The following C2orf76 variants were observed in gnomAD, a reference collection of about 807,000 sequenced individuals.
C2orf76 encodes UPF0538 protein C2orf76.
In C2orf76, 23 loss-of-function variants were observed where a neutral mutation model predicts 16.9. The observed-to-expected ratio is 1.36, with a 90% CI of 0.98 to 1.93. The LOEUF is 1.93. C2orf76 is among the 30% of genes most tolerant of loss of function. C2orf76 has a pLI of 0.00. For missense variants in C2orf76, 152 were observed against 152.6 expected, an observed-to-expected ratio of 1.00 and a Z score of 0.02; for synonymous variants, 48 against 52.3, an observed-to-expected ratio of 0.92 and a Z score of 0.35.
intron 1 of C2orf76, among the ~76,000 whole-genome samples, chr2:119,350,648 G>A (rs1421726311): frequency 6.6e-6 from 1 of 152,208 alleles, no homozygotes; most frequent in Non-Finnish European, 1.5e-5. Flanking sequence ...GGATGGTGAG[G>A]AGGGAAGCAT....
At position 119,358,413 on chromosome 2, in the gene C2orf76, A is replaced by G. The variant is rs918506204; in HGVS notation, c.-13+8377T>C. Among the ~76,000 whole-genome samples, 31 of 152,140 alleles carry G rather than the reference A, an allele frequency of 2.0e-4. No individual in the cohort carries two copies. In the Middle Eastern group the frequency reaches 0.014, roughly 67 times the overall value. ...CCAACATGGAGGAACCCCTGTCCCT[A>G]CTAAAAATACAAAAATTAGCTGGGA... On this transcript the variant is annotated intron_variant, in intron 1 of 5. Transcript: ENST00000334816.
At chr2:119,320,512 G>A (rs543127688) in intron 3 of C2orf76, among the ~76,000 whole-genome samples, 88 of 151,974 alleles carry the variant, frequency 5.8e-4, no homozygotes, top group Middle Eastern at 3.4e-3. Flanking sequence ...GCATACACAC[G>A]GCGAAGATTG....
chr2:119,286,612 C>A, the C2orf76 span, among the ~76,000 whole-genome samples: 1 of 152,112 alleles, frequency 6.6e-6, no homozygotes, highest in Non-Finnish European at 1.5e-5. Flanking sequence ...CCAGAGTGTG[C>A]TCGTGATTCG....
chr2:119,328,575 T>C (rs1448856649), intron 2 of C2orf76, among the ~76,000 whole-genome samples: 1 of 152,158 alleles, frequency 6.6e-6, no homozygotes, highest in Non-Finnish European at 1.5e-5. Flanking sequence ...TGTTATGGAT[T>C]TTCTCTATGG....
At chr2:119,348,869 A>C (rs1680292943) in intron 1 of C2orf76, among the ~76,000 whole-genome samples, 1 of 152,084 alleles carries the variant, frequency 6.6e-6, no homozygotes, top group Non-Finnish European at 1.5e-5. Context: ...TGGTGGCGTA[A>C]GCCTGTAGTT....
At chr2:119,290,700 C>T in the C2orf76 span, among the ~76,000 whole-genome samples, 4 of 151,990 alleles carry the variant, frequency 2.6e-5, no homozygotes, top group Non-Finnish European at 4.4e-5. Context: ...CGTGGCATTG[C>T]ACGCTTGTAA....
chr2:119,320,331 A>AT (rs1309435342), intron 3 of C2orf76, among the ~76,000 whole-genome samples: 2 of 152,202 alleles, frequency 1.3e-5, no homozygotes, highest in African/African-American at 4.8e-5. Context: ...GAAAGCCACA[A>AT]TTGAGAAGTT....
chr2:119,305,427 A>G (rs772856060), intron 5 of C2orf76, among the ~76,000 whole-genome samples: 1 of 152,186 alleles, frequency 6.6e-6, no homozygotes, highest in Non-Finnish European at 1.5e-5. Context: ...CTCTTAAACT[A>G]ATTTATCTCA....
chr2:119,355,835 C>A (rs985477976), intron 1 of C2orf76, among the ~76,000 whole-genome samples: 4 of 152,152 alleles, frequency 2.6e-5, no homozygotes, highest in African/African-American at 9.7e-5. Flanking sequence ...ATCCACCGAA[C>A]AGGATGTAAT....
upstream of C2orf76, chr2:119,366,868 C>A: frequency 1.3e-6 from 1 of 765,858 alleles, no homozygotes; most frequent in Non-Finnish European, 2.1e-6. Flanking sequence ...GCTAGCGCCG[C>A]GGCGGGGGCT....
chr2:119,356,750 C>A (rs1457087093), intron 1 of C2orf76, among the ~76,000 whole-genome samples: 1 of 150,600 alleles, frequency 6.6e-6, no homozygotes, highest in African/African-American at 2.4e-5. Flanking sequence ...GAATCTTGAG[C>A]AAGACCAGCT....
chr2:119,311,675 T>C lies in C2orf76; in HGVS notation c.251A>G (p.Asp84Gly), dbSNP rs753646169. 5 of 1,612,072 alleles carry C rather than the reference T, an allele frequency of 3.1e-6. No homozygotes were observed. The highest frequency in any genetic ancestry group is 4.2e-6 in the Non-Finnish European group (5 of 1,179,810). ...TTCTTTCAGCAGGAGTCTTTCGTCA[T>C]CTTCCAAACTCAACACAAGTTCATT... ...KTNELVLSLEDDERLLLKEDS... is the reference protein window; with the variant it reads ...KTNELVLSLEGDERLLLKEDS... The change falls in exon 5 of 6, where the codon GAT (aspartate) becomes GGT (glycine). Residue 84 changes from aspartate to glycine, a missense_variant. Coordinates refer to ENST00000334816, the MANE Select transcript of C2orf76 (RefSeq NM_001322331.2).
intron 3 of C2orf76, among the ~76,000 whole-genome samples, chr2:119,318,032 T>C (rs1679229266): frequency 6.6e-6 from 1 of 152,110 alleles, no homozygotes; most frequent in East Asian, 1.9e-4. Context: ...GGAATATCAC[T>C]ATCTGTCTCT....
intron 2 of C2orf76, among the ~76,000 whole-genome samples, chr2:119,330,609 T>TA (rs1235504053): frequency 6.6e-6 from 1 of 152,180 alleles, no homozygotes. Flanking sequence ...GTTTTCATCA[T>TA]ATTTGTAAAA....
intron 5 of C2orf76, among the ~76,000 whole-genome samples, chr2:119,309,038 G>A (rs1678889564): frequency 6.6e-6 from 1 of 152,114 alleles, no homozygotes; most frequent in Admixed American, 6.5e-5. Context: ...TCAGGTTTTG[G>A]ACCCAAGCAC....
chr2:119,353,333 CAGTTTA>C (rs1680463321), intron 1 of C2orf76, among the ~76,000 whole-genome samples: 1 of 152,028 alleles, frequency 6.6e-6, no homozygotes, highest in African/African-American at 2.4e-5. Context: ...ATATTAATTT[CAGTTTA>C]AGTTTAGAAG....
the C2orf76 span, among the ~76,000 whole-genome samples, chr2:119,282,469 C>A: frequency 6.6e-5 from 10 of 152,214 alleles, no homozygotes; most frequent in Non-Finnish European, 1.5e-4. Flanking sequence ...TTCTCTTTCG[C>A]AGGCAGAGCT....
chr2:119,363,940 C>G (rs1158429074), intron 1 of C2orf76, among the ~76,000 whole-genome samples: 1 of 151,938 alleles, frequency 6.6e-6, no homozygotes, highest in African/African-American at 2.4e-5. Context: ...ATCATCTGAG[C>G]CCAGGAAGTC....
Position 119,347,865 on chromosome 2 carries a change from A to G in C2orf76, c.-12-7894T>C, listed in dbSNP as rs146224415. Among the ~76,000 whole-genome samples, 183 of 152,192 alleles carry G rather than the reference A, an allele frequency of 1.2e-3. 2 individuals are homozygous for G. The highest frequency in any genetic ancestry group is 2.3e-3 in the Non-Finnish European group (155 of 68,012). ...CCACTTGGCCACATCTTGCTTGAGT[A>G]TAGTCGATTTTACAGCCAGGAAATT... On this transcript the variant is annotated intron_variant, in intron 1 of 5. Coordinates refer to ENST00000334816, the MANE Select transcript of C2orf76 (RefSeq NM_001322331.2).
Sources: allele counts gnomAD v4.1 joint callset (sites outside exome capture counted in the v4.1 genomes callset), GRCh38; gene constraint gnomAD v4.1.1; transcripts MANE v1.5; gene names NCBI Gene and HGNC (gene_info 2026-07-23, HGNC 2026-07-21).